The following NF2 variants were observed in gnomAD, a reference collection of about 807,000 sequenced individuals.
The protein encoded by NF2 is NF2, moesin-ezrin-radixin like (MERLIN) tumor suppressor.
In NF2, 8 loss-of-function variants were observed where a neutral mutation model predicts 83.7. That is an observed-to-expected ratio of 0.10 (90% confidence interval 0.06 to 0.17). The LOEUF (loss-of-function observed/expected upper bound fraction) is 0.17, where lower values mean the gene tolerates loss of function less well. NF2 is among the 10% of genes least tolerant of loss of function. NF2 has a pLI of 1.00. For missense variants in NF2, 533 were observed against 744.4 expected (o/e 0.72, Z 3.31); for synonymous variants, 266 against 269.6 (o/e 0.99, Z 0.13).
At chr22:29,676,424 C>T (rs2066967093) in intron 13 of NF2, among the ~76,000 whole-genome samples, 3 of 152,082 alleles carry the variant, frequency 2.0e-5, no homozygotes, top group Admixed American at 1.3e-4. Flanking sequence ...GATCTGCCTG[C>T]CTCAGCTTCC....
intron 1 of NF2, among the ~76,000 whole-genome samples, chr22:29,634,910 C>T (rs1300375803): frequency 6.6e-6 from 1 of 152,176 alleles, no homozygotes; most frequent in African/African-American, 2.4e-5. Flanking sequence ...AAAAATAAAA[C>T]TCATCATTTT....
chr22:29,670,667 A>C (rs1214428689), intron 10 of NF2, among the ~76,000 whole-genome samples: 1 of 152,194 alleles, frequency 6.6e-6, no homozygotes, highest in African/African-American at 2.4e-5. Context: ...TGCAGTGGTC[A>C]CTTCTGGGTT....
intron 1 of NF2, among the ~76,000 whole-genome samples, chr22:29,628,627 C>CTTTTTTTTTTTTTTT (rs5844863): frequency 1.4e-5 from 1 of 69,216 alleles, no homozygotes; most frequent in Non-Finnish European, 2.9e-5. Context: ...TTTGTGACAT[C>CTTTTTTTTTTTTTTT]TTTTTTTTTT....
At chr22:29,642,916 C>G (rs1210477106) in intron 4 of NF2, among the ~76,000 whole-genome samples, 1 of 151,808 alleles carries the variant, frequency 6.6e-6, no homozygotes, top group Non-Finnish European at 1.5e-5. Flanking sequence ...CTTGAGCTGT[C>G]TGGTTAGCTG....
At chr22:29,639,463 A>C (rs921192638) in intron 3 of NF2, among the ~76,000 whole-genome samples, 7 of 152,238 alleles carry the variant, frequency 4.6e-5, no homozygotes, top group Non-Finnish European at 8.8e-5. Context: ...ACCTAACTTA[A>C]AACCTCCTTG....
intron 6 of NF2, 116 bp downstream of exon 6, chr22:29,655,792 A>AT: frequency 1.2e-6 from 1 of 839,940 alleles, no homozygotes. Flanking sequence ...ACTGAAGTCT[A>AT]TAAAAGAAAA....
intron 10 of NF2, among the ~76,000 whole-genome samples, 172 bp from the exon 11 acceptor site, chr22:29,671,654 T>C (rs1472745127): frequency 6.6e-6 from 1 of 151,780 alleles, no homozygotes; most frequent in East Asian, 1.9e-4. Flanking sequence ...ACTCTGCAAC[T>C]GGTTTAGAAG....
intron 10 of NF2, among the ~76,000 whole-genome samples, chr22:29,671,383 GC>G (rs2066780102): frequency 6.6e-6 from 1 of 152,106 alleles, no homozygotes; most frequent in Admixed American, 6.5e-5. Flanking sequence ...ACAAAAATTA[GC>G]CAGGCATGGT....
At chr22:29,644,682 G>C (rs1401352942) in intron 4 of NF2, among the ~76,000 whole-genome samples, 1 of 152,244 alleles carries the variant, frequency 6.6e-6, no homozygotes, top group Non-Finnish European at 1.5e-5. Context: ...ACCTCGGGAG[G>C]CCGAGGCTGG....
At chr22:29,655,313 G>C (rs965565217) in intron 5 of NF2, among the ~76,000 whole-genome samples, 2 of 152,182 alleles carry the variant, frequency 1.3e-5, no homozygotes, top group African/African-American at 4.8e-5. Flanking sequence ...GAGCTCCGCT[G>C]TCAGAGGTGG....
intron 6 of NF2, 91 bp downstream of exon 6, chr22:29,655,767 TAAAC>T (rs1204023942): frequency 1.3e-5 from 13 of 1,021,008 alleles, no homozygotes; most frequent in Non-Finnish European, 2.0e-5. Flanking sequence ...ACATGCTTGT[TAAAC>T]AAAATGCAGT....
In NF2 at chr22:29,635,427, C is replaced by A. The variant is rs151250890; in HGVS notation, c.115-1324C>A. ...CACTGCAACCTCCGCCTCCCGGTTTCGAGTGATTCCCCTGCCTCAGCCTCC... is the reference window on the plus strand; with the variant it reads ...CACTGCAACCTCCGCCTCCCGGTTTAGAGTGATTCCCCTGCCTCAGCCTCC... On this transcript the variant is annotated intron_variant, in intron 1 of 15. Transcript: ENST00000338641. Among the ~76,000 whole-genome samples the A allele has an allele frequency of 5.9e-3, 899 of 152,264 alleles. 5 individuals are homozygous for A. Among genetic ancestry groups the A allele is most frequent in the Admixed American group, 0.012 (182 of 15,296 alleles).
At chr22:29,659,972 AT>A (rs1197668179) in intron 7 of NF2, among the ~76,000 whole-genome samples, 3 of 152,192 alleles carry the variant, frequency 2.0e-5, no homozygotes, top group African/African-American at 7.2e-5. Context: ...TCAGTCTGAT[AT>A]CTGCTGTTAG....
intron 14 of NF2, among the ~76,000 whole-genome samples, chr22:29,680,146 C>G (rs1376315908): frequency 6.6e-6 from 1 of 151,588 alleles, no homozygotes; most frequent in Non-Finnish European, 1.5e-5. Flanking sequence ...GAGTCTCACT[C>G]CATCGCCCAG....
At chr22:29,618,387 A>G (rs76467746) in intron 1 of NF2, among the ~76,000 whole-genome samples, 82 of 152,338 alleles carry the variant, frequency 5.4e-4, no homozygotes, top group Admixed American at 1.2e-3. Context: ...ACTCAATTTC[A>G]GAACCGGTGG....
chr22:29,641,479 A>G (rs567788193), intron 3 of NF2, among the ~76,000 whole-genome samples: 1 of 152,300 alleles, frequency 6.6e-6, no homozygotes, highest in Admixed American at 6.5e-5. Flanking sequence ...TACTGCTTTT[A>G]TGAATCCGGT....
intron 7 of NF2, among the ~76,000 whole-genome samples, chr22:29,659,236 C>T (rs1276932555): frequency 2.0e-5 from 3 of 152,242 alleles, no homozygotes; most frequent in Admixed American, 2.0e-4. Context: ...ACTAATGTAA[C>T]ACATTTCTGT....
At chr22:29,664,957 G>A (rs2066577084) in intron 8 of NF2, 33 bp from the exon 9 acceptor site, 6 of 1,495,582 alleles carry the variant, frequency 4.0e-6, no homozygotes, top group Non-Finnish European at 5.6e-6. Context: ...CCAGGCTGTC[G>A]GACTGAAACT....
chr22:29,693,893 A>C (rs1366558771), intron 15 of NF2, among the ~76,000 whole-genome samples: 1 of 152,172 alleles, frequency 6.6e-6, no homozygotes, highest in Non-Finnish European at 1.5e-5. Context: ...AGTCACACCC[A>C]AGGCATTGAT....
Sources: allele counts gnomAD v4.1 joint callset (sites outside exome capture counted in the v4.1 genomes callset), GRCh38; gene constraint gnomAD v4.1.1; transcripts MANE v1.5; gene names NCBI Gene and HGNC (gene_info 2026-07-23, HGNC 2026-07-21).